TMEM163: variants seen among roughly 807,000 people sequenced by gnomAD.
The protein encoded by TMEM163 is transmembrane protein 163.
A neutral mutation model predicts 29.3 loss-of-function variants in TMEM163; 17 were observed. The ratio of observed to expected loss-of-function variants is 0.58; its 90% confidence interval spans 0.40 to 0.87. The LOEUF is 0.87. Ranked by LOEUF, TMEM163 falls within the 40% of genes least tolerant of loss-of-function variation. The pLI is 0.00. For missense variants in TMEM163, 303 were observed against 381.5 expected (o/e 0.79, Z 1.71); for synonymous variants, 157 against 160.6 (o/e 0.98, Z 0.17).
At chr2:134,527,783 G>T (rs958073123) in intron 4 of TMEM163, among the ~76,000 whole-genome samples, 3 of 152,190 alleles carry the variant, frequency 2.0e-5, no homozygotes, top group African/African-American at 7.2e-5. Context: ...GCCCTCTGAT[G>T]AGGTGATATT....
At chr2:134,541,456 A>C (rs1680665125) in intron 4 of TMEM163, among the ~76,000 whole-genome samples, 1 of 152,254 alleles carries the variant, frequency 6.6e-6, no homozygotes, top group Admixed American at 6.5e-5. Flanking sequence ...TCTTTGACCC[A>C]GACTTCTAGT....
chr2:134,534,809 G>C (rs888348711), intron 4 of TMEM163, among the ~76,000 whole-genome samples: 1 of 151,952 alleles, frequency 6.6e-6, no homozygotes, highest in South Asian at 2.1e-4. Flanking sequence ...ACTTAGAAAA[G>C]GCCGTAAAGA....
chr2:134,664,685 TG>T (rs1214739902), intron 2 of TMEM163, among the ~76,000 whole-genome samples: 1 of 151,978 alleles, frequency 6.6e-6, no homozygotes, highest in Non-Finnish European at 1.5e-5. Context: ...TGCAGTCGTG[TG>T]GTCACAAGCA....
intron 2 of TMEM163, among the ~76,000 whole-genome samples, chr2:134,655,634 G>A (rs1411838715): frequency 1.4e-5 from 2 of 141,102 alleles, no homozygotes; most frequent in African/African-American, 2.9e-5. Context: ...CTGCATTTTA[G>A]AGTTTCCAGT....
At chr2:134,491,532 A>G (rs150590923) in intron 5 of TMEM163, among the ~76,000 whole-genome samples, 63 of 152,284 alleles carry the variant, frequency 4.1e-4, no homozygotes, top group African/African-American at 1.5e-3. Context: ...ATGGTACTTC[A>G]GGAGACACTC....
intron 2 of TMEM163, among the ~76,000 whole-genome samples, chr2:134,699,535 CAT>C (rs1266963516): frequency 6.6e-6 from 1 of 151,932 alleles, no homozygotes; most frequent in Non-Finnish European, 1.5e-5. Context: ...GATATGATGA[CAT>C]AGAGTATATA....
intron 2 of TMEM163, among the ~76,000 whole-genome samples, chr2:134,560,122 G>T (rs1177526166): frequency 1.3e-5 from 2 of 152,030 alleles, no homozygotes; most frequent in African/African-American, 4.8e-5. Context: ...TTCAGGTTAG[G>T]GCTGTCCTGG....
chr2:134,508,188 C>A (rs1393173181), intron 4 of TMEM163, among the ~76,000 whole-genome samples: 1 of 152,182 alleles, frequency 6.6e-6, no homozygotes. Flanking sequence ...CCTACCAATT[C>A]TAGGTTACTT....
At chr2:134,602,336 C>G (rs1246844028) in intron 2 of TMEM163, among the ~76,000 whole-genome samples, 3 of 152,132 alleles carry the variant, frequency 2.0e-5, no homozygotes, top group Non-Finnish European at 4.4e-5. Context: ...TAAACCCTCC[C>G]GCATGCCTGT....
intron 1 of TMEM163, among the ~76,000 whole-genome samples, chr2:134,718,433 CTT>C (rs1418399589): frequency 6.6e-6 from 1 of 152,254 alleles, no homozygotes; most frequent in Non-Finnish European, 1.5e-5. Context: ...CTCCCGCAAA[CTT>C]TTCCCGTGGG....
At chr2:134,642,236 C>A (rs1375130454) in intron 2 of TMEM163, among the ~76,000 whole-genome samples, 2 of 151,920 alleles carry the variant, frequency 1.3e-5, no homozygotes, top group African/African-American at 4.8e-5. Context: ...TCAAGCAATT[C>A]TCCTGCCTCA....
chr2:134,466,033 A>G (rs1354406617), intron 6 of TMEM163, 81 bp downstream of exon 6: 14 of 996,596 alleles, frequency 1.4e-5, no homozygotes, highest in Non-Finnish European at 2.0e-5. Context: ...CAGCAAGGGA[A>G]ACAACTAAAA....
At chr2:134,524,147 G>C (rs1680243711) in intron 4 of TMEM163, among the ~76,000 whole-genome samples, 1 of 152,162 alleles carries the variant, frequency 6.6e-6, no homozygotes, top group African/African-American at 2.4e-5. Context: ...ACTACAGCCT[G>C]CATTTGAATA....
At chr2:134,491,807 C>T (rs942648933) in intron 5 of TMEM163, among the ~76,000 whole-genome samples, 2 of 152,178 alleles carry the variant, frequency 1.3e-5, no homozygotes, top group African/African-American at 2.4e-5. Flanking sequence ...TGGCAGACGG[C>T]TCACAGACAT....
intron 4 of TMEM163, among the ~76,000 whole-genome samples, chr2:134,512,009 T>G (rs1679959841): frequency 6.6e-6 from 1 of 152,180 alleles, no homozygotes; most frequent in South Asian, 2.1e-4. Flanking sequence ...TGATCATGGT[T>G]TTTGTAGTTG....
At chr2:134,506,495 G>A (rs1219259534) in intron 4 of TMEM163, among the ~76,000 whole-genome samples, 3 of 152,202 alleles carry the variant, frequency 2.0e-5, no homozygotes, top group East Asian at 3.8e-4. Flanking sequence ...GATGAGGGGT[G>A]GGGAGAGAGG....
intron 2 of TMEM163, among the ~76,000 whole-genome samples, chr2:134,574,638 G>A (rs559907982): frequency 2.0e-5 from 3 of 152,246 alleles, no homozygotes; most frequent in South Asian, 2.1e-4. Flanking sequence ...AGTACTTGTC[G>A]GGGTCTTCCA....
At chr2:134,526,045 G>A (rs1344129040) in intron 4 of TMEM163, among the ~76,000 whole-genome samples, 1 of 152,160 alleles carries the variant, frequency 6.6e-6, no homozygotes, top group Non-Finnish European at 1.5e-5. Context: ...GCTCAGGCCA[G>A]GCCTCGGGTG....
intron 5 of TMEM163, among the ~76,000 whole-genome samples, chr2:134,478,925 C>T (rs574962200): frequency 6.6e-6 from 1 of 152,288 alleles, no homozygotes; most frequent in South Asian, 2.1e-4. Flanking sequence ...CCTTATGCAG[C>T]CTTGGGATAC....
Sources: gnomAD v4.1 joint callset for allele counts (sites outside exome capture counted in the v4.1 genomes callset) on GRCh38, gnomAD v4.1.1 for gene constraint, MANE v1.5 for transcripts, NCBI Gene and HGNC (gene_info 2026-07-23, HGNC 2026-07-21) for gene names.